ZNF536: variants seen among roughly 807,000 people sequenced by gnomAD.
ZNF536 encodes zinc finger protein 536.
In ZNF536, 13 loss-of-function variants were observed where a neutral mutation model predicts 84.5. The ratio of observed to expected loss-of-function variants is 0.15; its 90% CI spans 0.10 to 0.24. The LOEUF (loss-of-function observed/expected upper bound fraction) is 0.24, where lower values mean the gene tolerates loss of function less well. Ranked by LOEUF, ZNF536 falls within the 10% of genes least tolerant of loss-of-function variation. ZNF536 has a pLI of 1.00. For synonymous variants in ZNF536, 811 were observed against 742.5 expected (o/e 1.09, Z -1.50); for missense variants, 1,536 against 1,747.5 (o/e 0.88, Z 2.16).
intron 2 of ZNF536, among the ~76,000 whole-genome samples, chr19:30,337,089 A>G (rs1229756719): frequency 6.6e-6 from 1 of 152,054 alleles, no homozygotes; most frequent in Admixed American, 6.5e-5. Context: ...GGTGGTGGTC[A>G]GATTGTTACT....
intron 1 of ZNF536, among the ~76,000 whole-genome samples, chr19:30,664,189 A>T (rs2050218584): frequency 7.2e-6 from 1 of 139,186 alleles, no homozygotes; most frequent in Non-Finnish European, 1.5e-5. Flanking sequence ...TATCTAGAGG[A>T]ATTCTTGCTG....
chr19:30,562,851 T>C (rs982476271), downstream of ZNF536, among the ~76,000 whole-genome samples: 2 of 152,080 alleles, frequency 1.3e-5, no homozygotes, highest in Non-Finnish European at 2.9e-5. Context: ...AGAATTCCCT[T>C]GGTCACTCAA....
Position 30,706,880 on chromosome 19 carries a change from C to T in ZNF536, c.170-3877C>T, listed in dbSNP as rs117067051. ...GCCCTTGGTAGAAACATAGAAAATA[C>T]AGTCCATTTCAGAGAAGCTTTGGCC... On this transcript the variant is annotated intron_variant, in intron 1 of 1. Coordinates refer to the ZNF536 transcript ENST00000592773. Among the ~76,000 whole-genome samples the T allele has an allele frequency of 3.3e-5, 5 of 152,300 alleles. No individual in the cohort carries two copies. In the East Asian group the frequency reaches 9.6e-4, roughly 29 times the overall value.
At chr19:30,611,598 T>C (rs2048107107) in intron 1 of ZNF536, among the ~76,000 whole-genome samples, 1 of 152,200 alleles carries the variant, frequency 6.6e-6, no homozygotes, top group Non-Finnish European at 1.5e-5. Context: ...AAACCAGAAG[T>C]CATTCCTCTC....
chr19:30,277,873 G>T (rs1263465985), intron 1 of ZNF536, among the ~76,000 whole-genome samples: 1 of 152,212 alleles, frequency 6.6e-6, no homozygotes, highest in South Asian at 2.1e-4. Flanking sequence ...AGCAGAGGGT[G>T]ACCATTTCTC....
At chr19:30,573,079 C>A (rs1291122931) in intron 1 of ZNF536, among the ~76,000 whole-genome samples, 2 of 152,046 alleles carry the variant, frequency 1.3e-5, no homozygotes, top group African/African-American at 4.8e-5. Context: ...AGACAAAGAC[C>A]CTCAGATGAG....
At chr19:30,269,924 T>C (rs2025733268) in intron 1 of ZNF536, among the ~76,000 whole-genome samples, 1 of 152,220 alleles carries the variant, frequency 6.6e-6, no homozygotes, top group African/African-American at 2.4e-5. Flanking sequence ...CTGTTTATTT[T>C]TCCACAGTCG....
chr19:30,709,360 C>T (rs1269057071), intron 1 of ZNF536, among the ~76,000 whole-genome samples: 1 of 152,124 alleles, frequency 6.6e-6, no homozygotes. Flanking sequence ...TCTAGAAATC[C>T]CCCCAGCTCA....
intron 2 of ZNF536, among the ~76,000 whole-genome samples, chr19:30,450,797 G>C (rs191202552): frequency 6.6e-6 from 1 of 152,174 alleles, no homozygotes; most frequent in Admixed American, 6.5e-5. Context: ...AGCCTTAAAG[G>C]TTCCCCCTAC....
In ZNF536 at chr19:30,479,311, G is replaced by A. The variant is rs187264194; in HGVS notation, c.2170+33579G>A. On this transcript the variant is annotated intron_variant, in intron 2 of 4. Coordinates refer to ENST00000355537, the MANE Select transcript of ZNF536 (RefSeq NM_014717.3). ...CTGTCAGGAAAAGAGAGCACCATGA[G>A]AATGGAGCAAGAGACTCTTCTAAGA... 1.2e-4 allele frequency among the ~76,000 whole-genome samples: 19 copies of A among 152,280 alleles called. No homozygotes were observed. The East Asian group carries it at 3.5e-3, about 28-fold the overall frequency.
intron 2 of ZNF536, among the ~76,000 whole-genome samples, chr19:30,519,499 G>A (rs185912093): frequency 1.3e-5 from 2 of 152,300 alleles, no homozygotes; most frequent in East Asian, 3.9e-4. Flanking sequence ...GGAGGGGGCT[G>A]GACTGATGGA....
At chr19:30,294,549 A>ATATG (rs377501364) in intron 2 of ZNF536, among the ~76,000 whole-genome samples, 5 of 145,504 alleles carry the variant, frequency 3.4e-5, no homozygotes, top group Non-Finnish European at 6.1e-5. Context: ...AGGCCCCAAT[A>ATATG]TGTGTGTGTG....
chr19:30,514,710 C>T (rs940221313), intron 2 of ZNF536, among the ~76,000 whole-genome samples: 1 of 152,050 alleles, frequency 6.6e-6, no homozygotes, highest in African/African-American at 2.4e-5. Flanking sequence ...TTCCATGCTG[C>T]ATGCACAAAG....
chr19:30,255,960 G>C (rs564667045), intron 1 of ZNF536, among the ~76,000 whole-genome samples: 6 of 152,178 alleles, frequency 3.9e-5, no homozygotes, highest in African/African-American at 1.4e-4. Context: ...GCATTGGGCT[G>C]GGGGGAGAGT....
intron 2 of ZNF536, among the ~76,000 whole-genome samples, chr19:30,454,577 T>A (rs1262903695): frequency 1.3e-5 from 2 of 152,262 alleles, no homozygotes; most frequent in Admixed American, 6.5e-5. Flanking sequence ...TTTCATTTTT[T>A]AAAAACTCAG....
At chr19:30,572,884 G>C (rs2046602233) in intron 1 of ZNF536, among the ~76,000 whole-genome samples, 1 of 152,170 alleles carries the variant, frequency 6.6e-6, no homozygotes, top group African/African-American at 2.4e-5. Flanking sequence ...TAGAGAGCTA[G>C]AGCTCATCAG....
intron 1 of ZNF536, among the ~76,000 whole-genome samples, chr19:30,597,532 G>A (rs1272229568): frequency 6.6e-6 from 1 of 152,174 alleles, no homozygotes; most frequent in African/African-American, 2.4e-5. Flanking sequence ...GGCTACACAC[G>A]AAGGCATAGT....
chr19:30,397,380 T>A (rs1258601256), intron 1 of ZNF536, among the ~76,000 whole-genome samples: 1 of 152,120 alleles, frequency 6.6e-6, no homozygotes, highest in Admixed American at 6.5e-5. Context: ...CACAGATGAG[T>A]GCATGTGAAA....
intron 1 of ZNF536, among the ~76,000 whole-genome samples, chr19:30,385,576 C>T (rs2049307527): frequency 6.6e-6 from 1 of 151,846 alleles, no homozygotes; most frequent in Non-Finnish European, 1.5e-5. Context: ...AACATCCGGA[C>T]TTGACATTCA....
Sources: allele counts gnomAD v4.1 joint callset (sites outside exome capture counted in the v4.1 genomes callset), GRCh38; gene constraint gnomAD v4.1.1; transcripts MANE v1.5; gene names NCBI Gene and HGNC (gene_info 2026-07-23, HGNC 2026-07-21).